The following GNAI1 variants were observed in gnomAD, a reference collection of about 807,000 sequenced individuals.
The protein encoded by GNAI1 is G protein subunit alpha i1, also known as guanine nucleotide-binding protein G(i) subunit alpha-1.
A neutral mutation model predicts 38.9 loss-of-function variants in GNAI1; 11 were observed. The observed-to-expected ratio is 0.28, with a 90% confidence interval of 0.18 to 0.47. GNAI1 has a LOEUF of 0.47. Among genes scored for constraint, GNAI1 ranks in the 20% least tolerant of loss-of-function variants. GNAI1 has a pLI of 0.99. For missense variants in GNAI1, 317 were observed against 436.9 expected, an observed-to-expected ratio of 0.73 and a Z score of 2.45; for synonymous variants, 166 against 145.1, an observed-to-expected ratio of 1.14 and a Z score of -1.04.
intron 1 of GNAI1, among the ~76,000 whole-genome samples, chr7:80,169,225 C>A (rs899300220): frequency 1.3e-5 from 2 of 152,174 alleles, no homozygotes; most frequent in Admixed American, 1.3e-4. Context: ...TTTCCATCCA[C>A]TTGCCTCTGC....
intron 5 of GNAI1, among the ~76,000 whole-genome samples, chr7:80,206,939 G>C (rs1015420678): frequency 6.6e-6 from 1 of 152,032 alleles, no homozygotes. Context: ...TTGGACCTTG[G>C]TTGACCACAG....
chr7:80,205,256 A>T (rs1788754043), intron 5 of GNAI1, among the ~76,000 whole-genome samples: 1 of 152,188 alleles, frequency 6.6e-6, no homozygotes, highest in Non-Finnish European at 1.5e-5. Context: ...CTAGAATTAA[A>T]TGAGTTGTAG....
At position 80,152,706 on chromosome 7, in the gene GNAI1, G is replaced by A. The variant is rs1027997352; in HGVS notation, c.118+17428G>A. Among the ~76,000 whole-genome samples the A allele has an allele frequency of 9.2e-5, 14 of 151,514 alleles. No individual in the cohort carries two copies. In the East Asian group the frequency reaches 1.2e-3, roughly 13 times the overall value. ...CTCCCGAGTAGCTGGGACTACAGGC[G>A]CCTGCCACCATGCCTGGCTAATTTT... On this transcript the variant is annotated intron_variant, in intron 1 of 7. Transcript: ENST00000649796.
intron 1 of GNAI1, among the ~76,000 whole-genome samples, chr7:80,152,622 G>A (rs919907544): frequency 7.8e-4 from 114 of 145,554 alleles, no homozygotes; most frequent in African/African-American, 2.8e-3. Context: ...GTGCAGTGGC[G>A]CATTCTCGGC....
At chr7:80,164,385 C>T (rs1048482482) in intron 1 of GNAI1, among the ~76,000 whole-genome samples, 13 of 148,046 alleles carry the variant, frequency 8.8e-5, no homozygotes, top group East Asian at 2.0e-4. Flanking sequence ...TTTTTTGAGA[C>T]GGAGTCTTGC....
rs377472904 is a variant in GNAI1 at position 80,217,822 on chromosome 7, GA to G, written c.*330del. ...TTTCGACATTATTTTTAGGTTTTAA[GA>G]GTGGCAACTTAGGATTTTAGGGTGA... On this transcript the variant is annotated 3_prime_UTR_variant, in exon 8 of 8. Coordinates refer to ENST00000649796, the MANE Select transcript of GNAI1 (RefSeq NM_002069.6). 2.2e-4 allele frequency: 36 copies of G among 161,050 alleles called. No individual in the cohort carries two copies. In the South Asian group the frequency reaches 7.3e-3, roughly 33 times the overall value. 10.0% of individuals were successfully genotyped at this position (161,050 alleles called of 1,614,324 possible).
chr7:80,143,909 T>TGC (rs1787571252), intron 1 of GNAI1, among the ~76,000 whole-genome samples: 1 of 49,794 alleles, frequency 2.0e-5, no homozygotes, highest in African/African-American at 4.8e-5. Flanking sequence ...CAAGGATGTG[T>TGC]GTGTGTGTGT....
intron 3 of GNAI1, among the ~76,000 whole-genome samples, chr7:80,198,520 T>G (rs912262160): frequency 6.6e-6 from 1 of 152,164 alleles, no homozygotes; most frequent in Non-Finnish European, 1.5e-5. Context: ...ATAAAGTATC[T>G]TTTCATTTAG....
In GNAI1 at chr7:80,199,211, C is replaced by A; in HGVS notation, c.304-14C>A. The A allele has an allele frequency of 6.4e-7, 1 of 1,569,970 alleles. No homozygotes were observed. The highest frequency in any genetic ancestry group is 1.2e-5 in the South Asian group (1 of 83,268). On this transcript the variant is annotated splice_polypyrimidine_tract_variant and intron_variant, in intron 3 of 7. Coordinates refer to ENST00000649796, the MANE Select transcript of GNAI1 (RefSeq NM_002069.6). ...TATCCCTTTTTACTTAAAAAATGTCCTTTGAATGTTCAGGATGATGCACGC... is the reference window on the plus strand; with the variant it reads ...TATCCCTTTTTACTTAAAAAATGTCATTTGAATGTTCAGGATGATGCACGC...
At position 80,146,950 on chromosome 7, in the gene GNAI1, A is replaced by C. The variant is rs1411715385; in HGVS notation, c.118+11672A>C. Among the ~76,000 whole-genome samples, 3 of 152,200 alleles carry C rather than the reference A, an allele frequency of 2.0e-5. No homozygotes were observed. In the East Asian group the frequency reaches 5.8e-4, roughly 29 times the overall value. On this transcript the variant is annotated intron_variant, in intron 1 of 7. Coordinates refer to ENST00000649796, the MANE Select transcript of GNAI1 (RefSeq NM_002069.6). ...TTATAGTTAAACTTCTTCTAATGTC[A>C]ATCTAGAAACTTGTTTTAGTAGTGC...
At chr7:80,189,975 T>A (rs1365483309) in intron 3 of GNAI1, among the ~76,000 whole-genome samples, 3 of 152,190 alleles carry the variant, frequency 2.0e-5, no homozygotes, top group Middle Eastern at 3.4e-3. Flanking sequence ...TTTGATTGCT[T>A]AATGTATTTA....
intron 1 of GNAI1, among the ~76,000 whole-genome samples, chr7:80,164,126 C>A (rs1787972544): frequency 7.1e-6 from 1 of 140,026 alleles, no homozygotes; most frequent in Non-Finnish European, 1.5e-5. Context: ...CTCACTGCAA[C>A]CTCCACCTCC....
intron 1 of GNAI1, among the ~76,000 whole-genome samples, chr7:80,187,829 A>AG (rs1046386743): frequency 2.6e-5 from 4 of 152,196 alleles, no homozygotes; most frequent in Non-Finnish European, 5.9e-5. Context: ...CCAGCAATCA[A>AG]GGGAGGGGAG....
intron 1 of GNAI1, among the ~76,000 whole-genome samples, chr7:80,164,999 G>A (rs1332850643): frequency 6.6e-6 from 1 of 152,142 alleles, no homozygotes; most frequent in African/African-American, 2.4e-5. Context: ...CTCCAAAAAA[G>A]AGAAAGCTCA....
chr7:80,140,870 C>T (rs1584001319), intron 1 of GNAI1, among the ~76,000 whole-genome samples: 1 of 152,310 alleles, frequency 6.6e-6, no homozygotes, highest in Non-Finnish European at 1.5e-5. Flanking sequence ...TTCTTTTCTT[C>T]TGGAGATTCT....
chr7:80,193,122 C>CATTTACTT (rs1419836571), intron 3 of GNAI1, among the ~76,000 whole-genome samples: 15 of 152,146 alleles, frequency 9.9e-5, no homozygotes, highest in African/African-American at 3.4e-4. Flanking sequence ...AGAGTAAGCG[C>CATTTACTT]ACCCCATTTC....
chr7:80,212,157 C>T (rs1219227753), intron 6 of GNAI1, among the ~76,000 whole-genome samples: 1 of 152,086 alleles, frequency 6.6e-6, no homozygotes, highest in Non-Finnish European at 1.5e-5. Context: ...AGGTGCAGTG[C>T]AACACCACAT....
rs558815749 is a variant in GNAI1 at position 80,225,194 on chromosome 7, G to A, written c.*7701G>A. The stretch of plus-strand genomic sequence containing the variant: ...CTATCGTTTGGTTTGGTGTAATATA[G>A]CCTTTCCTGTGGGGGGAAAACCCAT... On this transcript the variant is annotated 3_prime_UTR_variant, in exon 8 of 8. Coordinates refer to ENST00000649796, the MANE Select transcript of GNAI1 (RefSeq NM_002069.6). Among the ~76,000 whole-genome samples the A allele has an allele frequency of 2.0e-5, 3 of 152,234 alleles. No homozygotes were observed. In the East Asian group the frequency reaches 5.8e-4, roughly 29 times the overall value.
At chr7:80,211,126 C>T in intron 6 of GNAI1, 28 bp downstream of exon 6, 1 of 1,602,892 alleles carries the variant, frequency 6.2e-7, no homozygotes, top group Non-Finnish European at 8.5e-7. Flanking sequence ...AAGAGTTGAG[C>T]TTGAAACATG....
Sources: gnomAD v4.1 joint callset for allele counts (sites outside exome capture counted in the v4.1 genomes callset) on GRCh38, gnomAD v4.1.1 for gene constraint, MANE v1.5 for transcripts, NCBI Gene and HGNC (gene_info 2026-07-23, HGNC 2026-07-21) for gene names.